The following FRMPD1 variants were observed in gnomAD, a reference collection of about 807,000 sequenced individuals.
The protein encoded by FRMPD1 is FERM and PDZ domain containing 1, also known as FERM and PDZ domain-containing protein 1.
A neutral mutation model predicts 117.8 loss-of-function variants in FRMPD1; 76 were observed. That is an observed-to-expected ratio of 0.65 (90% CI 0.54 to 0.78). FRMPD1 has a LOEUF of 0.78. Ranked by LOEUF, FRMPD1 falls within the 30% of genes least tolerant of loss-of-function variation. The pLI is 0.00. For missense variants in FRMPD1, 1,786 were observed against 1,964.5 expected (o/e 0.91, Z 1.72); for synonymous variants, 783 against 770.4 (o/e 1.02, Z -0.27).
intron 7 of FRMPD1, among the ~76,000 whole-genome samples, chr9:37,726,938 A>G (rs1823643301): frequency 6.6e-6 from 1 of 152,218 alleles, no homozygotes; most frequent in Admixed American, 6.5e-5. Flanking sequence ...GTGGAGTGGT[A>G]GCATGTATGG....
intron 5 of FRMPD1, among the ~76,000 whole-genome samples, chr9:37,718,234 T>C (rs1459598285): frequency 6.6e-6 from 1 of 152,246 alleles, no homozygotes; most frequent in African/African-American, 2.4e-5. Flanking sequence ...ATTGTTGTTA[T>C]GTATCTCTTC....
chr9:37,711,060 T>C (rs1057020921), intron 4 of FRMPD1, among the ~76,000 whole-genome samples: 5 of 152,136 alleles, frequency 3.3e-5, no homozygotes, highest in Non-Finnish European at 7.3e-5. Flanking sequence ...AGTGCCTTAA[T>C]TAATGTTGTG....
chr9:37,625,945 G>A, the FRMPD1 span, among the ~76,000 whole-genome samples: 1 of 152,232 alleles, frequency 6.6e-6, no homozygotes, highest in East Asian at 1.9e-4. Context: ...AATGAGGGCC[G>A]GGAGCGGCGG....
intron 1 of FRMPD1, among the ~76,000 whole-genome samples, chr9:37,653,177 G>A (rs984981063): frequency 1.3e-4 from 20 of 152,136 alleles, no homozygotes; most frequent in African/African-American, 3.4e-4. Context: ...TTGGGCCTCC[G>A]AGCGTCACTT....
rs118063569 is a variant in FRMPD1, at chr9:37,651,726, G to T, written c.-5+632G>T. ...GTTAGGAGTCAGGACTCTGGCTTCT[G>T]GTGGCTCCTCTGCCATACACCCACT... On this transcript the variant is annotated intron_variant, in intron 1 of 15. Coordinates refer to ENST00000377765, the MANE Select transcript of FRMPD1 (RefSeq NM_014907.3). Among the ~76,000 whole-genome samples the T allele has an allele frequency of 1.2e-3, 190 of 152,346 alleles. 7 individuals carry two copies. The East Asian group carries it at 0.036, about 29-fold the overall frequency.
At chr9:37,656,265 T>C (rs1284074208) in intron 1 of FRMPD1, among the ~76,000 whole-genome samples, 10 of 152,300 alleles carry the variant, frequency 6.6e-5, no homozygotes, top group African/African-American at 1.9e-4. Context: ...TTGCATATGG[T>C]TGTCAGCTGA....
intron 2 of FRMPD1, among the ~76,000 whole-genome samples, chr9:37,700,192 C>T (rs997297658): frequency 2.6e-5 from 4 of 152,128 alleles, no homozygotes; most frequent in Admixed American, 2.6e-4. Flanking sequence ...ACTGCATCTG[C>T]AGAGTTGCCA....
At chr9:37,681,226 AAAAG>A (rs1158574671) in intron 1 of FRMPD1, among the ~76,000 whole-genome samples, 7 of 151,762 alleles carry the variant, frequency 4.6e-5, no homozygotes, top group East Asian at 1.9e-4. Flanking sequence ...AAAAAAAAAA[AAAAG>A]AAAGAAAGAA....
chr9:37,624,697 CTG>C, the FRMPD1 span, among the ~76,000 whole-genome samples: 6 of 152,106 alleles, frequency 3.9e-5, no homozygotes, highest in African/African-American at 1.4e-4. Flanking sequence ...AGGAATAAAA[CTG>C]TTTTTAAAAT....
intron 1 of FRMPD1, among the ~76,000 whole-genome samples, chr9:37,661,031 A>C (rs1284285531): frequency 6.6e-6 from 1 of 152,046 alleles, no homozygotes; most frequent in Admixed American, 6.5e-5. Flanking sequence ...TCTCTCCTGG[A>C]GTTGGTTTGC....
chr9:37,671,992 GCAAA>G (rs1301916674), intron 1 of FRMPD1, among the ~76,000 whole-genome samples: 1 of 152,140 alleles, frequency 6.6e-6, no homozygotes, highest in South Asian at 2.1e-4. Context: ...AAAACAACAA[GCAAA>G]CAAACAAAAC....
intron 1 of FRMPD1, among the ~76,000 whole-genome samples, chr9:37,686,801 A>G (rs988139575): frequency 5.3e-5 from 8 of 152,364 alleles, no homozygotes; most frequent in East Asian, 1.9e-4. Flanking sequence ...CTTCAGTCCT[A>G]TGGATATGTT....
intron 1 of FRMPD1, among the ~76,000 whole-genome samples, chr9:37,675,215 G>T (rs1463251830): frequency 6.6e-6 from 1 of 152,054 alleles, no homozygotes; most frequent in Non-Finnish European, 1.5e-5. Context: ...TCTAAGTCAG[G>T]AGTTTGAGAC....
intron 1 of FRMPD1, among the ~76,000 whole-genome samples, chr9:37,663,526 T>C (rs1821061698): frequency 6.6e-6 from 1 of 152,216 alleles, no homozygotes; most frequent in Non-Finnish European, 1.5e-5. Context: ...CTCTGGATTT[T>C]TGTTCATGCT....
At chr9:37,679,770 C>T (rs1210634095) in intron 1 of FRMPD1, among the ~76,000 whole-genome samples, 1 of 152,178 alleles carries the variant, frequency 6.6e-6, no homozygotes, top group Non-Finnish European at 1.5e-5. Context: ...AGAGCAGGAA[C>T]CTGATTGCTG....
intron 2 of FRMPD1, among the ~76,000 whole-genome samples, chr9:37,694,682 G>A (rs966596590): frequency 3.9e-5 from 6 of 152,200 alleles, no homozygotes; most frequent in Admixed American, 6.5e-5. Flanking sequence ...GACTGCAGGC[G>A]CGTGCCACCA....
chr9:37,604,685 A>G, the FRMPD1 span, among the ~76,000 whole-genome samples: 62 of 152,366 alleles, frequency 4.1e-4, no homozygotes, highest in African/African-American at 1.5e-3. Context: ...ATCCTGATGG[A>G]CAAGGCACCA....
At chr9:37,718,888 A>G (rs1359582227) in intron 5 of FRMPD1, among the ~76,000 whole-genome samples, 181 bp from the exon 6 acceptor site, 1 of 152,212 alleles carries the variant, frequency 6.6e-6, no homozygotes, top group East Asian at 1.9e-4. Flanking sequence ...CGAGAACATT[A>G]TCTGGCTTGG....
At chr9:37,729,603 G>GT in intron 7 of FRMPD1, 125 bp from the exon 8 acceptor site, 3 of 952,072 alleles carry the variant, frequency 3.2e-6, no homozygotes, top group Non-Finnish European at 4.8e-6. Context: ...AGACTCTGGC[G>GT]TAAGTCAGCA....
Sources: gnomAD v4.1 joint callset for allele counts (sites outside exome capture counted in the v4.1 genomes callset) on GRCh38, gnomAD v4.1.1 for gene constraint, MANE v1.5 for transcripts, NCBI Gene and HGNC (gene_info 2026-07-23, HGNC 2026-07-21) for gene names.